Variants in SPACA7 observed in about 807,000 individuals in gnomAD.
The protein encoded by SPACA7 is sperm acrosome associated 7, also known as sperm acrosome-associated protein 7.
SPACA7 carries 19 observed loss-of-function variants against 26.3 expected under a neutral mutation model. The observed-to-expected ratio is 0.72, with a 90% CI of 0.50 to 1.06. SPACA7 has a LOEUF of 1.06. SPACA7 is among the 50% of genes least tolerant of loss of function. The probability of loss-of-function intolerance (pLI) is 0.00; values close to 1 mark genes in which losing one functional copy is unlikely to be tolerated. For missense variants in SPACA7, 211 were observed against 229.9 expected, an observed-to-expected ratio of 0.92 and a Z score of 0.53; for synonymous variants, 84 against 84.5, an observed-to-expected ratio of 0.99 and a Z score of 0.04.
At chr13:112,389,335 C>T (rs1884729152) in intron 1 of SPACA7, among the ~76,000 whole-genome samples, 1 of 152,220 alleles carries the variant, frequency 6.6e-6, no homozygotes, top group African/African-American at 2.4e-5. Context: ...AAGCTACCAT[C>T]ATCTCCAGTT....
At chr13:112,380,576 A>C (rs1308104848) in intron 1 of SPACA7, among the ~76,000 whole-genome samples, 1 of 151,978 alleles carries the variant, frequency 6.6e-6, no homozygotes, top group Non-Finnish European at 1.5e-5. Flanking sequence ...TCACCACATA[A>C]GATTTTTCTC....
At chr13:112,428,805 G>T (rs964643435) in intron 5 of SPACA7, among the ~76,000 whole-genome samples, 1 of 152,144 alleles carries the variant, frequency 6.6e-6, no homozygotes, top group African/African-American at 2.4e-5. Flanking sequence ...TTCCTGAAAA[G>T]TATGTGTATT....
intron 1 of SPACA7, among the ~76,000 whole-genome samples, chr13:112,387,721 T>C (rs930430606): frequency 5.3e-5 from 8 of 152,130 alleles, no homozygotes; most frequent in African/African-American, 1.4e-4. Flanking sequence ...GCTGTGGGGT[T>C]CAAGCCACTT....
chr13:112,395,894 G>C lies in SPACA7; in HGVS notation c.152-2155G>C, dbSNP rs1272094548. Among the ~76,000 whole-genome samples, 6 of 152,180 alleles carry C rather than the reference G, an allele frequency of 3.9e-5. No homozygotes were observed. In the East Asian group the frequency reaches 1.2e-3, roughly 29 times the overall value. On this transcript the variant is annotated intron_variant, in intron 2 of 6. Coordinates refer to ENST00000283550, the MANE Select transcript of SPACA7 (RefSeq NM_145248.5). ...AGAGCTTCCTAACCTTGTTCCACCTGCTGGCTTCATCTCTACCTAAAGCGT... is the reference window on the plus strand; with the variant it reads ...AGAGCTTCCTAACCTTGTTCCACCTCCTGGCTTCATCTCTACCTAAAGCGT...
intron 1 of SPACA7, among the ~76,000 whole-genome samples, chr13:112,381,842 C>T (rs1884090007): frequency 6.6e-6 from 1 of 152,178 alleles, no homozygotes; most frequent in Admixed American, 6.5e-5. Context: ...CTTTATCCAT[C>T]TGGGTGGTGC....
chr13:112,377,480 A>G lies in SPACA7; in HGVS notation c.94+1001A>G, dbSNP rs983903483. ...TCACCCTCTAGTTCAATTATTGTGT[A>G]TATTGTGTTCGGCCAAACAGGAGGC... On this transcript the variant is annotated intron_variant, in intron 1 of 6. Coordinates refer to ENST00000283550, the MANE Select transcript of SPACA7 (RefSeq NM_145248.5). Among the ~76,000 whole-genome samples, 6 of 152,238 alleles carry G rather than the reference A, an allele frequency of 3.9e-5. No individual in the cohort carries two copies. The South Asian group carries it at 6.2e-4, about 16-fold the overall frequency.
At chr13:112,388,972 G>A (rs1884707482) in intron 1 of SPACA7, among the ~76,000 whole-genome samples, 1 of 152,202 alleles carries the variant, frequency 6.6e-6, no homozygotes, top group Non-Finnish European at 1.5e-5. Flanking sequence ...GATCCATCAA[G>A]TGCAGGTTCT....
At chr13:112,433,010 T>G (rs1877321450) in intron 6 of SPACA7, among the ~76,000 whole-genome samples, 1 of 152,288 alleles carries the variant, frequency 6.6e-6, no homozygotes, top group Non-Finnish European at 1.5e-5. Flanking sequence ...GAGTTGGCCA[T>G]GCAGATCCTG....
At chr13:112,380,329 C>G (rs1883965040) in intron 1 of SPACA7, among the ~76,000 whole-genome samples, 1 of 144,276 alleles carries the variant, frequency 6.9e-6, no homozygotes, top group Admixed American at 7.3e-5. Context: ...CACTTGGACC[C>G]AGGAAGTGGA....
chr13:112,422,653 C>T (rs1344654821), intron 5 of SPACA7, among the ~76,000 whole-genome samples: 1 of 152,132 alleles, frequency 6.6e-6, no homozygotes, highest in Non-Finnish European at 1.5e-5. Flanking sequence ...TGGGGAAATC[C>T]TCCAAATATT....
chr13:112,402,533 CT>C (rs1885715016), intron 5 of SPACA7, among the ~76,000 whole-genome samples: 1 of 152,122 alleles, frequency 6.6e-6, no homozygotes, highest in East Asian at 1.9e-4. Flanking sequence ...TGTCCCTTGC[CT>C]AATTGCATTG....
chr13:112,376,356 G>T lies in SPACA7; in HGVS notation c.-30G>T. On this transcript the variant is annotated 5_prime_UTR_variant, in exon 1 of 7. Transcript: ENST00000283550. ...AAGGATGGGAAACTGTCAACCTTCA[G>T]AACGTCCTTCTCCCTCAGCTGGAGG... 6.2e-7 allele frequency: 1 copy of T among 1,604,868 alleles called. No homozygotes were observed. Among genetic ancestry groups the T allele is most frequent in the Non-Finnish European group, 8.5e-7 (1 of 1,175,720 alleles).
intron 5 of SPACA7, among the ~76,000 whole-genome samples, chr13:112,422,389 TAGAC>T (rs892340832): frequency 3.5e-4 from 53 of 152,288 alleles, no homozygotes; most frequent in Middle Eastern, 3.4e-3. Flanking sequence ...ATAAAAGAAA[TAGAC>T]AGAATAAGGA....
intron 5 of SPACA7, among the ~76,000 whole-genome samples, chr13:112,424,082 C>T (rs1357364883): frequency 6.6e-6 from 1 of 152,158 alleles, no homozygotes; most frequent in Non-Finnish European, 1.5e-5. Flanking sequence ...ATGCAGGAGG[C>T]AGGGGTGAAC....
At chr13:112,398,341 G>A (rs895805717) in intron 3 of SPACA7, among the ~76,000 whole-genome samples, 2 of 151,828 alleles carry the variant, frequency 1.3e-5, no homozygotes, top group African/African-American at 2.4e-5. Flanking sequence ...CCCTAGACTG[G>A]CAGGGTTAAT....
At chr13:112,397,963 G>A (rs1885387608) in intron 2 of SPACA7, 86 bp from the exon 3 acceptor site, 1 of 790,032 alleles carries the variant, frequency 1.3e-6, no homozygotes, top group Non-Finnish European at 2.2e-6. Context: ...TACATTCACT[G>A]TGTGTACAGA....
chr13:112,383,101 GAAAGAAAAGA>G lies in SPACA7; in HGVS notation c.94+6640_94+6649del, dbSNP rs1404941057. ...GAAAGAAAAAGAAAGAAAGAAAGAA[GAAAGAAAAGA>G]AAAGAAAAGAAAAGAAAGAAAGAAA... On this transcript the variant is annotated intron_variant, in intron 1 of 6. Coordinates refer to ENST00000283550, the MANE Select transcript of SPACA7 (RefSeq NM_145248.5). 7.7e-3 allele frequency among the ~76,000 whole-genome samples: 210 copies of G among 27,188 alleles called. 7 individuals carry two copies. Among genetic ancestry groups the G allele is most frequent in the East Asian group, 8.8e-3 (8 of 910 alleles). 17.8% of individuals were successfully genotyped at this position (27,188 alleles called of 152,430 possible).
Position 112,376,480 on chromosome 13 carries a change from G to T in SPACA7, c.94+1G>T. ...CTCCGGCCGAGAACCGTGATTCCAG[G>T]TAGGGCCCCACAGGGATGTCTCAGC... On this transcript the variant is annotated splice_donor_variant, in intron 1 of 6. Coordinates refer to ENST00000283550, the MANE Select transcript of SPACA7 (RefSeq NM_145248.5). LOFTEE classifies it high-confidence loss of function. The T allele has an allele frequency of 6.2e-7, 1 of 1,612,174 alleles. No individual in the cohort carries two copies. Among genetic ancestry groups the T allele is most frequent in the Non-Finnish European group, 8.5e-7 (1 of 1,179,144 alleles).
At chr13:112,387,068 T>C (rs758748524) in intron 1 of SPACA7, among the ~76,000 whole-genome samples, 27 of 152,194 alleles carry the variant, frequency 1.8e-4, no homozygotes, top group African/African-American at 2.7e-4. Context: ...CAGGCCACCA[T>C]TGTCAAAAAG....
Sources: allele counts gnomAD v4.1 joint callset (sites outside exome capture counted in the v4.1 genomes callset), GRCh38; gene constraint gnomAD v4.1.1; transcripts MANE v1.5; gene names NCBI Gene and HGNC (gene_info 2026-07-23, HGNC 2026-07-21).